The following EXOC2 variants were observed in gnomAD, a reference collection of about 807,000 sequenced individuals.
The protein encoded by EXOC2 is SEC5-like 1.
In EXOC2, 70 loss-of-function variants were observed where a neutral mutation model predicts 131.8. The observed-to-expected ratio is 0.53, with a 90% confidence interval of 0.44 to 0.65. The LOEUF is 0.65. Ranked by LOEUF, EXOC2 falls within the 30% of genes least tolerant of loss-of-function variation. The probability of loss-of-function intolerance (pLI) is 0.00; values close to 1 mark genes in which losing one functional copy is unlikely to be tolerated. For synonymous variants in EXOC2, 411 were observed against 398.4 expected (o/e 1.03, Z -0.38); for missense variants, 923 against 1,108.6 (o/e 0.83, Z 2.38).
At chr6:592,403 A>T (rs759447686) in intron 11 of EXOC2, 66 bp downstream of exon 11, 3 of 1,324,638 alleles carry the variant, frequency 2.3e-6, no homozygotes, top group Non-Finnish European at 2.2e-6. Flanking sequence ...TCATCATTAA[A>T]CATTCCCAGA....
chr6:544,962 A>G (rs1347839836), intron 22 of EXOC2, among the ~76,000 whole-genome samples: 1 of 151,716 alleles, frequency 6.6e-6, no homozygotes, highest in Non-Finnish European at 1.5e-5. Flanking sequence ...CCTGGCTAAC[A>G]AGGTGAAACC....
intron 22 of EXOC2, among the ~76,000 whole-genome samples, chr6:538,735 T>G (rs2493042): frequency 3.7e-4 from 56 of 152,332 alleles, no homozygotes; most frequent in African/African-American, 1.2e-3. Flanking sequence ...ATTCAGTATG[T>G]TCCCTGGCTT....
At chr6:666,032 A>G (rs894578749) in intron 1 of EXOC2, among the ~76,000 whole-genome samples, 4 of 152,236 alleles carry the variant, frequency 2.6e-5, no homozygotes, top group Admixed American at 2.6e-4. Context: ...AGCCACATTC[A>G]TTTGATTCCA....
chr6:599,747 G>T (rs541452057), intron 7 of EXOC2, among the ~76,000 whole-genome samples: 1 of 152,214 alleles, frequency 6.6e-6, no homozygotes, highest in Non-Finnish European at 1.5e-5. Flanking sequence ...AGCAGGCAAA[G>T]AAAATTATAT....
intron 11 of EXOC2, among the ~76,000 whole-genome samples, chr6:586,813 C>A (rs186145232): frequency 6.6e-6 from 1 of 152,042 alleles, no homozygotes; most frequent in Non-Finnish European, 1.5e-5. Context: ...GCTCAGGATA[C>A]GGAGGACGTG....
At chr6:603,611 T>C (rs1760229779) in intron 7 of EXOC2, among the ~76,000 whole-genome samples, 1 of 151,870 alleles carries the variant, frequency 6.6e-6, no homozygotes, top group South Asian at 2.1e-4. Context: ...TTCTATCTTC[T>C]TCTTTTTTTT....
intron 1 of EXOC2, among the ~76,000 whole-genome samples, chr6:673,978 C>A (rs1308040016): frequency 6.6e-6 from 1 of 152,032 alleles, no homozygotes; most frequent in East Asian, 1.9e-4. Flanking sequence ...AAGCGAACTG[C>A]AATTAAGCGA....
chr6:491,976 T>C (rs955934708), intron 25 of EXOC2, among the ~76,000 whole-genome samples: 1 of 152,232 alleles, frequency 6.6e-6, no homozygotes, highest in African/African-American at 2.4e-5. Flanking sequence ...AAGAATGAAG[T>C]TGAATCCTTT....
chr6:572,846 G>A (rs1456233041), intron 12 of EXOC2, among the ~76,000 whole-genome samples: 5 of 152,176 alleles, frequency 3.3e-5, no homozygotes, highest in African/African-American at 9.7e-5. Flanking sequence ...ATTTCTCCTT[G>A]CCCTCTGGCA....
At chr6:556,366 T>C (rs1384001675) in intron 18 of EXOC2, 118 bp downstream of exon 18, 30 of 1,053,328 alleles carry the variant, frequency 2.8e-5, no homozygotes, top group Non-Finnish European at 4.0e-5. Flanking sequence ...TTAAACTAAA[T>C]GGAACAAGCA....
intron 11 of EXOC2, among the ~76,000 whole-genome samples, chr6:591,414 C>T (rs982422060): frequency 6.6e-6 from 1 of 152,114 alleles, no homozygotes; most frequent in Admixed American, 6.5e-5. Flanking sequence ...CCTTCTTGTG[C>T]TTGTAACCTG....
At chr6:609,760 T>C (rs1187032489) in intron 7 of EXOC2, among the ~76,000 whole-genome samples, 2 of 152,208 alleles carry the variant, frequency 1.3e-5, no homozygotes, top group Non-Finnish European at 2.9e-5. Flanking sequence ...CTCCTCCACG[T>C]TGCTGGTCAG....
intron 1 of EXOC2, among the ~76,000 whole-genome samples, chr6:690,113 G>C (rs1275442431): frequency 6.6e-6 from 1 of 152,164 alleles, no homozygotes; most frequent in African/African-American, 2.4e-5. Context: ...TCCCAGCACT[G>C]GGAAGCTGAG....
intron 23 of EXOC2, among the ~76,000 whole-genome samples, chr6:503,535 A>G (rs1265663742): frequency 6.6e-6 from 1 of 152,248 alleles, no homozygotes; most frequent in Non-Finnish European, 1.5e-5. Flanking sequence ...GCCTGTATCA[A>G]AATCTCTCTT....
intron 19 of EXOC2, among the ~76,000 whole-genome samples, chr6:555,631 A>T (rs1199709979): frequency 2.0e-5 from 3 of 152,232 alleles, no homozygotes; most frequent in African/African-American, 7.2e-5. Context: ...CCCAATAACA[A>T]TACTTTATAC....
intron 10 of EXOC2, among the ~76,000 whole-genome samples, chr6:597,733 G>A (rs1475787293): frequency 1.3e-5 from 2 of 152,140 alleles, no homozygotes; most frequent in Non-Finnish European, 1.5e-5. Context: ...CACTAGGCAA[G>A]GTACCCCTTT....
chr6:526,555 C>T (rs940700701), intron 23 of EXOC2, among the ~76,000 whole-genome samples: 1 of 151,432 alleles, frequency 6.6e-6, no homozygotes, highest in African/African-American at 2.4e-5. Flanking sequence ...ATTCTCCTGC[C>T]TCAACCTTCC....
At chr6:685,343 C>G (rs1480246347) in intron 1 of EXOC2, among the ~76,000 whole-genome samples, 1 of 152,172 alleles carries the variant, frequency 6.6e-6, no homozygotes, top group African/African-American at 2.4e-5. Flanking sequence ...TCAGCCAACT[C>G]TCAGGGCACC....
At chr6:519,088 G>A (rs535477234) in intron 23 of EXOC2, among the ~76,000 whole-genome samples, 8 of 142,520 alleles carry the variant, frequency 5.6e-5, no homozygotes, top group East Asian at 2.1e-4. Context: ...ACCGAGCGCC[G>A]ACACTCACCG....
Sources: allele counts gnomAD v4.1 joint callset (sites outside exome capture counted in the v4.1 genomes callset), GRCh38; gene constraint gnomAD v4.1.1; transcripts MANE v1.5; gene names NCBI Gene and HGNC (gene_info 2026-07-23, HGNC 2026-07-21).